GPHN: variants seen among roughly 807,000 people sequenced by gnomAD.
GPHN encodes the protein gephyrin.
Under a neutral mutation model 95.5 loss-of-function variants are expected in GPHN, and 17 were observed. The ratio of observed to expected loss-of-function variants is 0.18; its 90% CI spans 0.12 to 0.27. The LOEUF (loss-of-function observed/expected upper bound fraction) is 0.27, where lower values mean the gene tolerates loss of function less well. Ranked by LOEUF, GPHN falls within the 10% of genes least tolerant of loss-of-function variation. GPHN has a pLI of 1.00. For synonymous variants in GPHN, 320 were observed against 322.5 expected (o/e 0.99, Z 0.08); for missense variants, 660 against 978.1 (o/e 0.67, Z 4.34).
chr14:66,823,607 G>A (rs964602904), intron 3 of GPHN, among the ~76,000 whole-genome samples: 12 of 151,860 alleles, frequency 7.9e-5, no homozygotes, highest in Non-Finnish European at 1.5e-4. Context: ...TTGGAGCTCT[G>A]AGCTCTGCAT....
At chr14:66,833,698 A>G (rs2061674750) in intron 4 of GPHN, among the ~76,000 whole-genome samples, 1 of 152,008 alleles carries the variant, frequency 6.6e-6, no homozygotes, top group Non-Finnish European at 1.5e-5. Context: ...GTAATCTGCA[A>G]ACCTAGTAAC....
At chr14:67,700,310 G>A in the GPHN span, among the ~76,000 whole-genome samples, 1 of 152,218 alleles carries the variant, frequency 6.6e-6, no homozygotes, top group South Asian at 2.1e-4. Flanking sequence ...TAGCTATATC[G>A]AGAAAAGCCA....
At chr14:67,543,723 T>C in the GPHN span, among the ~76,000 whole-genome samples, 1 of 151,874 alleles carries the variant, frequency 6.6e-6, no homozygotes, top group African/African-American at 2.4e-5. Context: ...CCAGGCAGTC[T>C]GAGATATATC....
At chr14:67,105,416 A>G (rs1021701639) in intron 13 of GPHN, among the ~76,000 whole-genome samples, 9 of 152,148 alleles carry the variant, frequency 5.9e-5, no homozygotes, top group Admixed American at 1.3e-4. Flanking sequence ...GACTTGTCCA[A>G]TGCTGAGAGT....
the GPHN span, among the ~76,000 whole-genome samples, chr14:67,417,784 C>G: frequency 6.6e-6 from 1 of 152,124 alleles, no homozygotes; most frequent in Non-Finnish European, 1.5e-5. Context: ...CACTCTGTTG[C>G]CCAGGCTGGA....
chr14:67,336,295 A>C, the GPHN span: 2 of 158,798 alleles, frequency 1.3e-5, no homozygotes, highest in African/African-American at 4.8e-5. Flanking sequence ...TACACCTGTC[A>C]CCACAGTTCA....
the GPHN span, chr14:67,201,468 T>A: frequency 2.2e-6 from 1 of 456,040 alleles, no homozygotes; most frequent in South Asian, 1.5e-5. Flanking sequence ...AACAGGACAA[T>A]GATAGCTGCC....
chr14:66,833,055 A>G (rs967977120), intron 4 of GPHN, among the ~76,000 whole-genome samples: 1 of 152,210 alleles, frequency 6.6e-6, no homozygotes, highest in Non-Finnish European at 1.5e-5. Flanking sequence ...CAGACTGGCT[A>G]GAGAGGTACC....
chr14:67,272,455 A>G, the GPHN span, among the ~76,000 whole-genome samples: 2 of 152,234 alleles, frequency 1.3e-5, no homozygotes, highest in African/African-American at 2.4e-5. Context: ...AAATGAGTGA[A>G]TACTATGTGA....
intron 4 of GPHN, among the ~76,000 whole-genome samples, chr14:66,848,473 C>T (rs952039734): frequency 2.6e-5 from 4 of 152,072 alleles, no homozygotes; most frequent in African/African-American, 9.7e-5. Flanking sequence ...TTAGTAACTA[C>T]ATGGTAAGGC....
the GPHN span, among the ~76,000 whole-genome samples, chr14:67,263,292 G>A: frequency 2.0e-5 from 3 of 152,052 alleles, no homozygotes; most frequent in Admixed American, 1.3e-4. Context: ...TATATTGCAG[G>A]GTAAACAGGG....
chr14:66,614,491 T>C (rs796975430), intron 1 of GPHN, among the ~76,000 whole-genome samples: 3 of 152,040 alleles, frequency 2.0e-5, no homozygotes, highest in African/African-American at 7.2e-5. Flanking sequence ...CTTATTGTAA[T>C]AGATTATATA....
At chr14:67,553,588 G>C in the GPHN span, among the ~76,000 whole-genome samples, 69 of 152,186 alleles carry the variant, frequency 4.5e-4, no homozygotes, top group Non-Finnish European at 1.2e-4. Context: ...GTCCAGTTAG[G>C]TCTGGTGTCA....
At chr14:67,616,838 G>T in the GPHN span, 2 of 151,948 alleles carry the variant, frequency 1.3e-5, no homozygotes, top group Admixed American at 6.6e-5. Context: ...ATGAAACAAA[G>T]TTTTGACTGC....
At chr14:66,692,896 G>C (rs1205075935) in intron 2 of GPHN, among the ~76,000 whole-genome samples, 1 of 151,894 alleles carries the variant, frequency 6.6e-6, no homozygotes, top group Admixed American at 6.6e-5. Context: ...TTCATACTAG[G>C]TAGTAATTCT....
At chr14:67,387,600 C>G in the GPHN span, 1 of 849,232 alleles carries the variant, frequency 1.2e-6, no homozygotes, top group East Asian at 3.1e-5. Context: ...TTAGAGAATC[C>G]TATCAGATGA....
chr14:66,582,578 C>A (rs559159917), intron 1 of GPHN, among the ~76,000 whole-genome samples: 8 of 151,398 alleles, frequency 5.3e-5, no homozygotes, highest in Non-Finnish European at 1.2e-4. Context: ...TGTTCCCCTT[C>A]CTGTGTCTAT....
the GPHN span, among the ~76,000 whole-genome samples, chr14:67,383,052 T>C: frequency 1.1e-4 from 16 of 152,250 alleles, no homozygotes; most frequent in South Asian, 3.3e-3. Flanking sequence ...GGTTATTTCA[T>C]GTTTTCAGTT....
chr14:67,425,398 C>T, the GPHN span, among the ~76,000 whole-genome samples: 3 of 152,054 alleles, frequency 2.0e-5, no homozygotes, highest in Non-Finnish European at 4.4e-5. Context: ...AAAAAATTAG[C>T]CCGGTGTGGT....
Sources: gnomAD v4.1 joint callset for allele counts (sites outside exome capture counted in the v4.1 genomes callset) on GRCh38, gnomAD v4.1.1 for gene constraint, MANE v1.5 for transcripts, NCBI Gene and HGNC (gene_info 2026-07-23, HGNC 2026-07-21) for gene names.